Variants in VAT1L observed in about 807,000 individuals in gnomAD.
The protein encoded by VAT1L is vesicle amine transport 1 like.
In VAT1L, 34 loss-of-function variants were observed where a neutral mutation model predicts 44.1. That is an observed-to-expected ratio of 0.77 (90% CI 0.59 to 1.03). The LOEUF is 1.03. VAT1L is among the 50% of genes least tolerant of loss of function. The probability of loss-of-function intolerance (pLI) is 0.00; values close to 1 mark genes in which losing one functional copy is unlikely to be tolerated. For synonymous variants in VAT1L, 253 were observed against 202.2 expected (o/e 1.25, Z -2.13); for missense variants, 615 against 538.8 (o/e 1.14, Z -1.40).
intron 7 of VAT1L, among the ~76,000 whole-genome samples, chr16:77,921,494 C>G (rs1029565911): frequency 8.5e-5 from 13 of 152,170 alleles, no homozygotes; most frequent in African/African-American, 3.1e-4. Flanking sequence ...CTTCTGGGGA[C>G]CACAGATCCT....
At chr16:77,797,625 G>A (rs565020775) in intron 1 of VAT1L, among the ~76,000 whole-genome samples, 40 of 152,122 alleles carry the variant, frequency 2.6e-4, no homozygotes, top group Admixed American at 4.6e-4. Context: ...CCAGTCTCTG[G>A]AGCACTCTCA....
At chr16:77,794,838 C>A (rs1224887131) in intron 1 of VAT1L, among the ~76,000 whole-genome samples, 2 of 152,150 alleles carry the variant, frequency 1.3e-5, no homozygotes, top group Non-Finnish European at 2.9e-5. Flanking sequence ...TGAGAAAGAA[C>A]ATGGAAGTGC....
chr16:77,971,164 T>TG (rs2018274176), intron 7 of VAT1L, among the ~76,000 whole-genome samples: 1 of 152,132 alleles, frequency 6.6e-6, no homozygotes. Flanking sequence ...CCTCAACAGT[T>TG]GGAATTCCAC....
At chr16:77,928,492 A>G (rs192430168) in intron 7 of VAT1L, among the ~76,000 whole-genome samples, 2 of 152,310 alleles carry the variant, frequency 1.3e-5, no homozygotes, top group East Asian at 3.9e-4. Flanking sequence ...GTGAGAGACA[A>G]AAGTCATAGC....
At chr16:77,820,172 A>G (rs1476286504) in intron 2 of VAT1L, among the ~76,000 whole-genome samples, 1 of 152,158 alleles carries the variant, frequency 6.6e-6, no homozygotes, top group Non-Finnish European at 1.5e-5. Context: ...CATTTCTTTC[A>G]TGGTTTCAAG....
chr16:77,931,375 C>T (rs2017729285), intron 7 of VAT1L, among the ~76,000 whole-genome samples: 1 of 152,088 alleles, frequency 6.6e-6, no homozygotes. Context: ...ACAAATTTTA[C>T]CTCTGGGAAA....
chr16:77,790,049 G>C (rs948952921), intron 1 of VAT1L, among the ~76,000 whole-genome samples: 3 of 152,188 alleles, frequency 2.0e-5, no homozygotes, highest in African/African-American at 7.2e-5. Flanking sequence ...CAGCTCACGA[G>C]CTTCTAGGTT....
chr16:77,807,965 T>C (rs1273121489), intron 1 of VAT1L, among the ~76,000 whole-genome samples: 1 of 152,122 alleles, frequency 6.6e-6, no homozygotes, highest in Admixed American at 6.5e-5. Flanking sequence ...TTCATGGTTA[T>C]ATTGTACATT....
chr16:77,842,181 C>G (rs1333404102), intron 3 of VAT1L, among the ~76,000 whole-genome samples: 1 of 152,108 alleles, frequency 6.6e-6, no homozygotes, highest in Admixed American at 6.5e-5. Context: ...GCCACCGCGC[C>G]CAGTCTACCA....
At chr16:77,960,419 A>C (rs1394947513) in intron 7 of VAT1L, among the ~76,000 whole-genome samples, 1 of 152,180 alleles carries the variant, frequency 6.6e-6, no homozygotes, top group Non-Finnish European at 1.5e-5. Context: ...GAAACTAGCC[A>C]CAGTAGGAAG....
At chr16:77,974,942 G>A (rs781704355) in intron 8 of VAT1L, among the ~76,000 whole-genome samples, 8 of 152,068 alleles carry the variant, frequency 5.3e-5, no homozygotes, top group Non-Finnish European at 1.0e-4. Context: ...GAGCAACCAC[G>A]TGGTGGAAAA....
At chr16:77,966,287 G>T (rs912449334) in intron 7 of VAT1L, among the ~76,000 whole-genome samples, 1 of 152,188 alleles carries the variant, frequency 6.6e-6, no homozygotes, top group African/African-American at 2.4e-5. Flanking sequence ...CTGGGGTAAG[G>T]TTGACATCAC....
At chr16:77,825,550 C>T (rs2016510377) in intron 3 of VAT1L, 89 bp downstream of exon 3, 1 of 1,395,376 alleles carries the variant, frequency 7.2e-7, no homozygotes, top group Non-Finnish European at 9.9e-7. Flanking sequence ...TGAGCTATGT[C>T]CTTTAGCAGG....
At chr16:77,870,215 A>T (rs1173855084) in intron 4 of VAT1L, among the ~76,000 whole-genome samples, 1 of 152,190 alleles carries the variant, frequency 6.6e-6, no homozygotes, top group African/African-American at 2.4e-5. Flanking sequence ...CATTGTGTCC[A>T]GTCCTCTATA....
rs4417560 is a variant in VAT1L, at chr16:77,817,607, T to C, written c.363+557T>C. The stretch of plus-strand genomic sequence containing the variant: ...CTGATAAGTAGAACAGAACTGGCCA[T>C]GGATTGATGGCTTTGGAAGTAGGGA... On this transcript the variant is annotated intron_variant, in intron 2 of 8. Coordinates refer to ENST00000302536, the MANE Select transcript of VAT1L (RefSeq NM_020927.3). Among the ~76,000 whole-genome samples, 294 of 152,166 alleles carry C rather than the reference T, an allele frequency of 1.9e-3. 2 individuals are homozygous for C. Among genetic ancestry groups the C allele is most frequent in the African/African-American group, 6.0e-3 (248 of 41,522 alleles).
intron 4 of VAT1L, among the ~76,000 whole-genome samples, chr16:77,869,984 G>A (rs1021946590): frequency 2.0e-5 from 3 of 152,110 alleles, no homozygotes; most frequent in Non-Finnish European, 2.9e-5. Context: ...TAAAACTGGT[G>A]GAAATTAATA....
At chr16:77,906,322 G>C (rs578069147) in intron 7 of VAT1L, among the ~76,000 whole-genome samples, 1 of 152,218 alleles carries the variant, frequency 6.6e-6, no homozygotes, top group East Asian at 1.9e-4. Context: ...ACCAGGTCTG[G>C]GGAAAACCAG....
At chr16:77,805,180 G>A (rs1368100199) in intron 1 of VAT1L, among the ~76,000 whole-genome samples, 1 of 152,128 alleles carries the variant, frequency 6.6e-6, no homozygotes, top group African/African-American at 2.4e-5. Context: ...AATTCTGGCT[G>A]TTCTCAAATA....
chr16:77,853,734 G>C (rs146695156), intron 3 of VAT1L, among the ~76,000 whole-genome samples: 1 of 152,160 alleles, frequency 6.6e-6, no homozygotes, highest in South Asian at 2.1e-4. Flanking sequence ...GAGGCTGCTG[G>C]CTCTGGCACC....
Sources: allele counts gnomAD v4.1 joint callset (sites outside exome capture counted in the v4.1 genomes callset), GRCh38; gene constraint gnomAD v4.1.1; transcripts MANE v1.5; gene names NCBI Gene and HGNC (gene_info 2026-07-23, HGNC 2026-07-21).